KPNA7: variants seen among roughly 807,000 people sequenced by gnomAD.
KPNA7 encodes importin subunit alpha-8.
KPNA7 carries 54 observed loss-of-function variants against 53.7 expected under a neutral mutation model. The observed-to-expected ratio is 1.01, with a 90% confidence interval of 0.81 to 1.26. KPNA7 has a LOEUF of 1.26. KPNA7 is among the 50% of genes most tolerant of loss of function. KPNA7 has a pLI of 0.00. For synonymous variants in KPNA7, 276 were observed against 259.3 expected (o/e 1.06, Z -0.62); for missense variants, 640 against 644.5 (o/e 0.99, Z 0.07).
intron 7 of KPNA7, among the ~76,000 whole-genome samples, chr7:99,185,483 A>G (rs1388234258): frequency 6.6e-6 from 1 of 152,132 alleles, no homozygotes; most frequent in Non-Finnish European, 1.5e-5. Context: ...AGTATCTGGG[A>G]CTATACGGAT....
intron 10 of KPNA7, among the ~76,000 whole-genome samples, chr7:99,176,380 C>T (rs930311222): frequency 1.7e-4 from 26 of 151,484 alleles, no homozygotes; most frequent in Admixed American, 2.0e-4. Context: ...TGAGATACCA[C>T]TTTATACCCA....
At chr7:99,162,790 C>G in the KPNA7 span, among the ~76,000 whole-genome samples, 3 of 152,132 alleles carry the variant, frequency 2.0e-5, no homozygotes, top group Non-Finnish European at 4.4e-5. Context: ...AACCATCTCA[C>G]CTTTCCACCT....
At chr7:99,217,400 A>C (rs1334206544) in intron 1 of KPNA7, among the ~76,000 whole-genome samples, 8 of 152,138 alleles carry the variant, frequency 5.3e-5, no homozygotes, top group Admixed American at 4.6e-4. Flanking sequence ...TTAAGCTAAA[A>C]ACACATGTTG....
chr7:99,161,037 AT>A, the KPNA7 span, among the ~76,000 whole-genome samples: 1 of 151,932 alleles, frequency 6.6e-6, no homozygotes, highest in South Asian at 2.1e-4. Flanking sequence ...ATTTTCGTAT[AT>A]TTTAGTAAAG....
the KPNA7 span, among the ~76,000 whole-genome samples, chr7:99,154,187 G>A: frequency 3.3e-5 from 5 of 149,612 alleles, no homozygotes; most frequent in African/African-American, 1.2e-4. Flanking sequence ...GGAGTGCAGT[G>A]GCATGATCTC....
chr7:99,209,428 T>C (rs1790983815), upstream of KPNA7, among the ~76,000 whole-genome samples: 1 of 151,982 alleles, frequency 6.6e-6, no homozygotes, highest in Non-Finnish European at 1.5e-5. Flanking sequence ...CTTATTCCAA[T>C]CTGTTCTTTG....
At chr7:99,194,469 A>T (rs1318786558) in intron 5 of KPNA7, among the ~76,000 whole-genome samples, 1 of 152,110 alleles carries the variant, frequency 6.6e-6, no homozygotes, top group Admixed American at 6.6e-5. Context: ...TAAGCCAAAG[A>T]CTTGTTCTTG....
chr7:99,147,504 TAA>T, the KPNA7 span, among the ~76,000 whole-genome samples: 1 of 152,188 alleles, frequency 6.6e-6, no homozygotes, highest in South Asian at 2.1e-4. Flanking sequence ...TAAAAGTTGA[TAA>T]AAGTCCGGGC....
At chr7:99,194,935 C>T (rs572975967) in intron 5 of KPNA7, 135 bp downstream of exon 5, 531 of 1,101,120 alleles carry the variant, frequency 4.8e-4, no homozygotes, top group Non-Finnish European at 6.6e-4. Context: ...GCTCATTGTA[C>T]CCTTGCCAGC....
intron 8 of KPNA7, 72 bp downstream of exon 8, chr7:99,184,857 A>G (rs1033250002): frequency 3.2e-6 from 4 of 1,255,196 alleles, no homozygotes; most frequent in Non-Finnish European, 4.5e-6. Flanking sequence ...CTGTGTCTGG[A>G]TTCCTGAAGG....
chr7:99,217,455 G>A (rs1563095183), intron 1 of KPNA7, among the ~76,000 whole-genome samples: 1 of 152,032 alleles, frequency 6.6e-6, no homozygotes, highest in South Asian at 2.1e-4. Context: ...CAGGAAGGAG[G>A]GGTTCAGGGA....
the KPNA7 span, among the ~76,000 whole-genome samples, chr7:99,155,187 TCA>T: frequency 2.0e-5 from 3 of 152,212 alleles, no homozygotes; most frequent in African/African-American, 7.2e-5. Flanking sequence ...GTTACTATTT[TCA>T]GTTCTTCTAT....
Position 99,173,634 on chromosome 7 carries a change from G to T in KPNA7, c.*74C>A. On this transcript the variant is annotated 3_prime_UTR_variant, in exon 11 of 11. Transcript: ENST00000327442. ...AAGCTTCACATTTGGGTTACACTAA[G>T]ATAGAGGACTGCTGCTTCTTAAAGA... 1.1e-6 allele frequency: 1 copy of T among 902,630 alleles called. No individual in the cohort carries two copies. Among genetic ancestry groups the T allele is most frequent in the Non-Finnish European group, 1.7e-6 (1 of 576,456 alleles). 55.9% of individuals were successfully genotyped at this position (902,630 alleles called of 1,614,324 possible).
At chr7:99,211,552 C>G (rs1791072013), upstream of KPNA7, among the ~76,000 whole-genome samples, 1 of 151,970 alleles carries the variant, frequency 6.6e-6, no homozygotes, top group Non-Finnish European at 1.5e-5. Context: ...AGCAAAGAAC[C>G]AGGACAAAGG....
Position 99,207,441 on chromosome 7 carries a change from T to C in KPNA7, c.26A>G (p.Glu9Gly), listed in dbSNP as rs1398543639. 7.7e-6 allele frequency: 12 copies of C among 1,551,336 alleles called. No individual in the cohort carries two copies. The highest frequency in any genetic ancestry group is 1.4e-5 in the African/African-American group (1 of 73,068). Residue 9 changes from glutamate to glycine, a missense_variant, in exon 2 of 11, where the codon GAG becomes GGG. By Grantham distance (98) the Glu-to-Gly change is moderately conservative. Coordinates refer to ENST00000327442, the MANE Select transcript of KPNA7 (RefSeq NM_001145715.3). Reference protein sequence around the residue: MPTLDAPEERRRKFKYRGK... With the variant: MPTLDAPEGRRRKFKYRGK... ...TCGGTACTTAAATTTTCTCCGCCTCTCTTCTGGAGCATCTAAGGTCGGCAT... is the reference window on the plus strand; with the variant it reads ...TCGGTACTTAAATTTTCTCCGCCTCCCTTCTGGAGCATCTAAGGTCGGCAT...
chr7:99,211,763 C>T (rs774578465), upstream of KPNA7, among the ~76,000 whole-genome samples: 1 of 152,162 alleles, frequency 6.6e-6, no homozygotes, highest in Non-Finnish European at 1.5e-5. Context: ...ATCCTGGTGG[C>T]TCTGCCTGCT....
chr7:99,189,149 A>T (rs1271269157), intron 6 of KPNA7, among the ~76,000 whole-genome samples: 1 of 152,136 alleles, frequency 6.6e-6, no homozygotes, highest in Non-Finnish European at 1.5e-5. Flanking sequence ...TTTTTCACTG[A>T]CAACAAGATC....
chr7:99,173,758 T>G lies in KPNA7; in HGVS notation c.1501A>C (p.Ile501Leu). Residue 501 changes from isoleucine to leucine, a missense_variant, in exon 11 of 11, where the codon ATA (isoleucine) becomes CTA (leucine). Physicochemically the swap from Ile to Leu is conservative, Grantham distance 5 (BLOSUM62 2). Transcript: ENST00000327442. ...DESQTLLSQVIDQDYEFIDYE... is the reference protein window; with the variant it reads ...DESQTLLSQVLDQDYEFIDYE... ...TCTATAAATTCATAATCTTGGTCTA[T>G]GACTTGGCTCAGTAAAGTTTGGCTC... The G allele has an allele frequency of 6.4e-7, 1 of 1,551,900 alleles. No homozygotes were observed. The highest frequency in any genetic ancestry group is 8.7e-7 in the Non-Finnish European group (1 of 1,146,852).
At chr7:99,175,397 C>A (rs980531358) in intron 10 of KPNA7, among the ~76,000 whole-genome samples, 1 of 151,398 alleles carries the variant, frequency 6.6e-6, no homozygotes, top group East Asian at 2.0e-4. Flanking sequence ...AGGCTGGTCT[C>A]GGAGCTCCTG....
Sources: allele counts gnomAD v4.1 joint callset (sites outside exome capture counted in the v4.1 genomes callset), GRCh38; gene constraint gnomAD v4.1.1; transcripts MANE v1.5; gene names NCBI Gene and HGNC (gene_info 2026-07-23, HGNC 2026-07-21).